Variants in SPMIP7 observed in about 807,000 individuals in gnomAD.
SPMIP7 encodes protein SPMIP7.
the SPMIP7 span, among the ~76,000 whole-genome samples, chr7:50,139,742 G>A: frequency 2.0e-5 from 3 of 152,114 alleles, no homozygotes; most frequent in African/African-American, 4.8e-5. Context: ...ATATGTGAAC[G>A]TTTATAACAG....
the SPMIP7 span, among the ~76,000 whole-genome samples, chr7:50,152,562 C>G: frequency 6.6e-6 from 1 of 152,090 alleles, no homozygotes; most frequent in Non-Finnish European, 1.5e-5. Flanking sequence ...AATATGCTAG[C>G]ACAGTAGGAA....
the SPMIP7 span, among the ~76,000 whole-genome samples, chr7:50,105,359 A>C: frequency 6.6e-6 from 1 of 152,216 alleles, no homozygotes; most frequent in African/African-American, 2.4e-5. Context: ...ATTAGCAGTA[A>C]AGGTATGAAT....
the SPMIP7 span, among the ~76,000 whole-genome samples, chr7:50,154,095 C>T: frequency 6.6e-6 from 1 of 152,022 alleles, no homozygotes; most frequent in African/African-American, 2.4e-5. Context: ...TCAATATTTG[C>T]ATGTATTTAA....
the SPMIP7 span, among the ~76,000 whole-genome samples, chr7:50,151,803 G>C: frequency 6.6e-6 from 1 of 152,278 alleles, no homozygotes; most frequent in African/African-American, 2.4e-5. Context: ...ACCAGGTTTA[G>C]ATTAATGTTA....
the SPMIP7 span, among the ~76,000 whole-genome samples, chr7:50,108,869 G>C: frequency 2.6e-5 from 4 of 152,116 alleles, no homozygotes; most frequent in Admixed American, 1.3e-4. Context: ...ACAGGGGATT[G>C]GGTTGTAAAA....
chr7:50,096,184 T>C, the SPMIP7 span: 4 of 1,551,746 alleles, frequency 2.6e-6, no homozygotes, highest in Non-Finnish European at 3.5e-6. Context: ...CACACTATTG[T>C]GATCTCTTAA....
the SPMIP7 span, among the ~76,000 whole-genome samples, chr7:50,098,618 TTTGA>T: frequency 1.3e-5 from 2 of 152,210 alleles, no homozygotes; most frequent in Non-Finnish European, 2.9e-5. Context: ...AATTGGTATA[TTTGA>T]TTGCTGGTAA....
the SPMIP7 span, among the ~76,000 whole-genome samples, chr7:50,123,567 T>TAAATAAATA: frequency 2.7e-5 from 4 of 146,324 alleles, no homozygotes; most frequent in Non-Finnish European, 6.0e-5. Context: ...TAAAGTATAA[T>TAAATAAATA]AATAAATAAA....
the SPMIP7 span, among the ~76,000 whole-genome samples, chr7:50,103,988 T>A: frequency 0.78 from 118,990 of 152,134 alleles, 46,610 homozygotes; most frequent in East Asian, 0.88. Context: ...ATATGAATTA[T>A]CTGCATAATA....
At chr7:50,096,301 T>C in the SPMIP7 span, 1 of 1,551,952 alleles carries the variant, frequency 6.4e-7, no homozygotes, top group Non-Finnish European at 8.7e-7. Flanking sequence ...CTTATCCCCC[T>C]TCAGTTTTGC....
the SPMIP7 span, among the ~76,000 whole-genome samples, chr7:50,155,842 A>ACAAATACTG: frequency 6.6e-6 from 1 of 152,238 alleles, no homozygotes; most frequent in Non-Finnish European, 1.5e-5. Context: ...CTCACTATAC[A>ACAAATACTG]CACATACTGC....
At chr7:50,129,967 G>T in the SPMIP7 span, among the ~76,000 whole-genome samples, 1 of 152,096 alleles carries the variant, frequency 6.6e-6, no homozygotes, top group African/African-American at 2.4e-5. Context: ...GAGTCTTAAG[G>T]CACACCTATG....
At chr7:50,146,487 A>G in the SPMIP7 span, among the ~76,000 whole-genome samples, 2 of 152,270 alleles carry the variant, frequency 1.3e-5, no homozygotes, top group Admixed American at 1.3e-4. Context: ...TATACCCACC[A>G]GATGAAGAGA....
chr7:50,104,442 T>A, the SPMIP7 span: 2 of 1,029,740 alleles, frequency 1.9e-6, no homozygotes, highest in Non-Finnish European at 2.7e-6. Context: ...GTGTTATATA[T>A]AATTAGTTTA....
the SPMIP7 span, among the ~76,000 whole-genome samples, chr7:50,118,257 C>G: frequency 1.3e-5 from 2 of 152,116 alleles, no homozygotes; most frequent in East Asian, 3.8e-4. Flanking sequence ...CTTCCTGAGT[C>G]CTTGAAGCTT....
At chr7:50,129,165 C>T in the SPMIP7 span, among the ~76,000 whole-genome samples, 1 of 151,720 alleles carries the variant, frequency 6.6e-6, no homozygotes, top group Admixed American at 6.6e-5. Context: ...AAAAATTGAA[C>T]TTCAGCAGAA....
the SPMIP7 span, chr7:50,140,143 G>A: frequency 2.0e-6 from 3 of 1,500,646 alleles, no homozygotes; most frequent in Non-Finnish European, 2.7e-6. Context: ...TTTGAAGTGT[G>A]AGTTCAAGTT....
the SPMIP7 span, among the ~76,000 whole-genome samples, chr7:50,138,404 G>A: frequency 6.6e-6 from 1 of 152,086 alleles, no homozygotes. Context: ...AACTACCATG[G>A]GCAATTATGA....
chr7:50,129,364 ATC>A, the SPMIP7 span, among the ~76,000 whole-genome samples: 24 of 152,048 alleles, frequency 1.6e-4, no homozygotes, highest in Admixed American at 6.6e-5. Flanking sequence ...CTCATAACTA[ATC>A]TCTTTATGTT....
Sources: allele counts gnomAD v4.1 joint callset (sites outside exome capture counted in the v4.1 genomes callset), GRCh38; gene constraint gnomAD v4.1.1; transcripts MANE v1.5; gene names NCBI Gene and HGNC (gene_info 2026-07-23, HGNC 2026-07-21).